DNAH11: variants seen among roughly 807,000 people sequenced by gnomAD.
DNAH11 encodes the protein dynein axonemal heavy chain 11, also known as axonemal beta dynein heavy chain 11.
In DNAH11, 442 loss-of-function variants were observed where a neutral mutation model predicts 526.0. The ratio of observed to expected loss-of-function variants is 0.84; its 90% CI spans 0.78 to 0.91. The LOEUF (loss-of-function observed/expected upper bound fraction) is 0.91, where lower values mean the gene tolerates loss of function less well. Ranked by LOEUF, DNAH11 falls within the 40% of genes least tolerant of loss-of-function variation. DNAH11 has a pLI of 0.00. For synonymous variants in DNAH11, 2,461 were observed against 1,935.9 expected (o/e 1.27, Z -7.12); for missense variants, 6,989 against 5,448.7 (o/e 1.28, Z -8.90).
At position 21,570,138 on chromosome 7, in the gene DNAH11, G is replaced by A. The variant is rs773158013; in HGVS notation, c.1264G>A (p.Val422Met). The change falls in exon 7 of 82, where the codon GTG becomes ATG. Residue 422 changes from valine (V) to methionine (M), a missense_variant. Transcript: ENST00000409508. ...AGAAGAGTCACTGGAAAAGGTGCAGGTGGCTGTTAACATCTTAAAGACTTT... is the reference window on the plus strand; with the variant it reads ...AGAAGAGTCACTGGAAAAGGTGCAGATGGCTGTTAACATCTTAAAGACTTT... ...EIEESLEKVQ[V>M]AVNILKTFKN... The A allele has an allele frequency of 9.9e-6, 16 of 1,613,164 alleles. No individual in the cohort carries two copies. Among genetic ancestry groups the A allele is most frequent in the African/African-American group, 1.3e-5 (1 of 74,886 alleles).
At chr7:21,859,545 T>G (rs1283948261) in intron 68 of DNAH11, among the ~76,000 whole-genome samples, 1 of 152,212 alleles carries the variant, frequency 6.6e-6, no homozygotes, top group Non-Finnish European at 1.5e-5. Flanking sequence ...ATAAGACATA[T>G]TCAAGCTATA....
chr7:21,636,820 AT>A (rs2128459665), intron 26 of DNAH11, among the ~76,000 whole-genome samples: 1 of 152,312 alleles, frequency 6.6e-6, no homozygotes, highest in East Asian at 1.9e-4. Context: ...TGCACCATAG[AT>A]TGCCGACCTT....
chr7:21,783,163 A>C (rs1267868328), intron 57 of DNAH11, among the ~76,000 whole-genome samples: 1 of 152,120 alleles, frequency 6.6e-6, no homozygotes, highest in Non-Finnish European at 1.5e-5. Flanking sequence ...GAAAATTTTC[A>C]TGGTCCATTC....
intron 4 of DNAH11, 76 bp downstream of exon 4, chr7:21,559,868 AT>A: frequency 1.6e-6 from 2 of 1,226,568 alleles, no homozygotes; most frequent in Non-Finnish European, 2.3e-6. Flanking sequence ...AGTTTTAAAG[AT>A]TTAACACACT....
Position 21,758,509 on chromosome 7 carries a change from C to A in DNAH11, c.8941-6919C>A, listed in dbSNP as rs1786734832. Among the ~76,000 whole-genome samples, 5 of 152,030 alleles carry A rather than the reference C, an allele frequency of 3.3e-5. No individual in the cohort carries two copies. The South Asian group carries it at 1.0e-3, about 32-fold the overall frequency. On this transcript the variant is annotated intron_variant, in intron 54 of 81. Coordinates refer to ENST00000409508, the MANE Select transcript of DNAH11 (RefSeq NM_001277115.2). Reference sequence around the variant, plus strand: ...CTTGGAATGTGACAGGGAGCAAAGGCCAACCCAGCCACTGCCCACCTAGAG... The same window carrying A: ...CTTGGAATGTGACAGGGAGCAAAGGACAACCCAGCCACTGCCCACCTAGAG...
At chr7:21,788,362 T>C (rs1242556808) in intron 60 of DNAH11, among the ~76,000 whole-genome samples, 1 of 152,178 alleles carries the variant, frequency 6.6e-6, no homozygotes, top group Non-Finnish European at 1.5e-5. Flanking sequence ...TAGGACTCTC[T>C]TGATCTCTCT....
At chr7:21,794,877 T>C (rs1788642312) in intron 61 of DNAH11, among the ~76,000 whole-genome samples, 1 of 152,182 alleles carries the variant, frequency 6.6e-6, no homozygotes, top group African/African-American at 2.4e-5. Flanking sequence ...TTCTCCAGTG[T>C]AGGAACTACG....
chr7:21,674,304 C>A (rs1291128651), intron 30 of DNAH11, among the ~76,000 whole-genome samples: 1 of 152,094 alleles, frequency 6.6e-6, no homozygotes, highest in South Asian at 2.1e-4. Flanking sequence ...GATCCACCCA[C>A]CCTGGCCTCC....
chr7:21,684,881 T>A (rs987346310), intron 32 of DNAH11, among the ~76,000 whole-genome samples: 1 of 152,236 alleles, frequency 6.6e-6, no homozygotes, highest in African/African-American at 2.4e-5. Context: ...ACAGCACATT[T>A]AATCTTTGGC....
intron 45 of DNAH11, among the ~76,000 whole-genome samples, chr7:21,727,680 T>G (rs1209400083): frequency 6.6e-6 from 1 of 152,222 alleles, no homozygotes; most frequent in African/African-American, 2.4e-5. Context: ...TTGGGAGTGC[T>G]GTATGAGTGG....
At chr7:21,697,753 C>T (rs1034433369) in intron 35 of DNAH11, among the ~76,000 whole-genome samples, 4 of 152,194 alleles carry the variant, frequency 2.6e-5, no homozygotes, top group Admixed American at 6.5e-5. Context: ...GGTAAAGCCT[C>T]GCCCCTTGCT....
intron 35 of DNAH11, among the ~76,000 whole-genome samples, chr7:21,692,485 G>T (rs1484734660): frequency 6.6e-6 from 1 of 152,184 alleles, no homozygotes; most frequent in Non-Finnish European, 1.5e-5. Context: ...TATCCAAGTT[G>T]TTGAGCGTAT....
chr7:21,897,455 T>C (rs938227519), intron 79 of DNAH11, among the ~76,000 whole-genome samples: 3 of 152,216 alleles, frequency 2.0e-5, no homozygotes, highest in African/African-American at 7.2e-5. Flanking sequence ...TTTCCCTTTA[T>C]AAATGGCTTC....
intron 4 of DNAH11, among the ~76,000 whole-genome samples, chr7:21,560,063 A>G (rs1225405400): frequency 1.3e-5 from 2 of 152,182 alleles, no homozygotes; most frequent in Non-Finnish European, 2.9e-5. Flanking sequence ...AGCGTTGAAG[A>G]CTGGAAAATT....
chr7:21,809,026 C>T (rs897472670), intron 63 of DNAH11, among the ~76,000 whole-genome samples: 1 of 152,174 alleles, frequency 6.6e-6, no homozygotes, highest in Admixed American at 6.5e-5. Flanking sequence ...CTTTTCTCTA[C>T]ATCCTCACCA....
rs763185094 is a variant in DNAH11 at position 21,735,768 on chromosome 7, A to G, written c.7569A>G (p.Thr2523=). Residue 2523 remains threonine, a synonymous_variant, in exon 46 of 82, where the codon ACA becomes ACG. Transcript: ENST00000409508. ...GVGKTVFVGD[T]LASLSEDYIV... ...GAAAAACAGTCTTTGTAGGTGACAC[A>G]TTGGCAAGTCTCTCTGAGGATTACA... 17 of 1,613,882 alleles carry G rather than the reference A, an allele frequency of 1.1e-5. No individual in the cohort carries two copies. The highest frequency in any genetic ancestry group is 1.6e-4 in the Middle Eastern group (1 of 6,084).
At chr7:21,625,165 A>C (rs1406675510) in intron 25 of DNAH11, among the ~76,000 whole-genome samples, 2 of 151,944 alleles carry the variant, frequency 1.3e-5, no homozygotes, top group East Asian at 3.9e-4. Context: ...CTCCTGTCCT[A>C]GGCCTTTCTT....
At position 21,901,672 on chromosome 7, in the gene DNAH11, A is replaced by ATTAT. The variant is rs1784870307; in HGVS notation, c.*420_*423dup. The ATTAT allele has an allele frequency of 1.3e-5, 2 of 156,986 alleles. No homozygotes were observed. The highest frequency in any genetic ancestry group is 4.8e-5 in the African/African-American group (2 of 41,436). 9.7% of individuals were successfully genotyped at this position (156,986 alleles called of 1,614,324 possible). ...TAATTTTTAACAAACAACAAATTAA[A>ATTAT]TTATTAGCCCTTAAACTCTTTCAAA... is the stretch of plus-strand genomic sequence containing the variant. On this transcript the variant is annotated 3_prime_UTR_variant, in exon 82 of 82. Coordinates refer to ENST00000409508, the MANE Select transcript of DNAH11 (RefSeq NM_001277115.2).
At chr7:21,557,212 G>A (rs1055236288) in intron 2 of DNAH11, among the ~76,000 whole-genome samples, 1 of 152,078 alleles carries the variant, frequency 6.6e-6, no homozygotes, top group Non-Finnish European at 1.5e-5. Context: ...TCTCTCAGGG[G>A]TACTGGCTCT....
Sources: gnomAD v4.1 joint callset for allele counts (sites outside exome capture counted in the v4.1 genomes callset) on GRCh38, gnomAD v4.1.1 for gene constraint, MANE v1.5 for transcripts, NCBI Gene and HGNC (gene_info 2026-07-23, HGNC 2026-07-21) for gene names.